PLPP1: variants seen among roughly 807,000 people sequenced by gnomAD.
PLPP1 encodes the protein phospholipid phosphatase 1.
PLPP1 carries 24 observed loss-of-function variants against 31.2 expected under a neutral mutation model. That is an observed-to-expected ratio of 0.77 (90% CI 0.56 to 1.08). The LOEUF is 1.08. Among genes scored for constraint, PLPP1 ranks in the 50% least tolerant of loss-of-function variants. PLPP1 has a pLI of 0.00. For synonymous variants in PLPP1, 146 were observed against 126.3 expected (o/e 1.16, Z -1.05); for missense variants, 319 against 342.7 (o/e 0.93, Z 0.55).
In PLPP1 at chr5:55,425,280, CTTTT is replaced by C; in HGVS notation, c.777_780del (p.Lys260ArgfsTer79). 2 of 1,611,478 alleles carry C rather than the reference CTTTT, an allele frequency of 1.2e-6. No individual in the cohort carries two copies. The highest frequency in any genetic ancestry group is 8.5e-7 in the Non-Finnish European group (1 of 1,177,900). On this transcript the variant is annotated frameshift_variant, in exon 6 of 6. Transcript: ENST00000307259. LOFTEE classifies it high-confidence loss of function. ...TGCAGAGTTGTATGAGAGTCCTCCT[CTTTT>C]CTTTCTTTAAAAGAAGTTCTTTCTT... is the stretch of plus-strand genomic sequence containing the variant.
intron 1 of PLPP1, among the ~76,000 whole-genome samples, chr5:55,487,195 T>C (rs1257517415): frequency 1.3e-5 from 2 of 152,150 alleles, no homozygotes; most frequent in Non-Finnish European, 2.9e-5. Context: ...TTTTTAAATT[T>C]AGACAAAGTA....
chr5:55,481,994 ATATTTT>A (rs922134986), intron 1 of PLPP1, among the ~76,000 whole-genome samples: 43 of 148,604 alleles, frequency 2.9e-4, no homozygotes, highest in African/African-American at 9.0e-4. Flanking sequence ...ATACATATAT[ATATTTT>A]TATTTTTATT....
intron 1 of PLPP1, among the ~76,000 whole-genome samples, chr5:55,512,560 GAAAGAAAGAAAGA>G (rs1561253265): frequency 1.3e-4 from 18 of 139,818 alleles, no homozygotes; most frequent in African/African-American, 3.5e-4. Flanking sequence ...AAGAAAGAAA[GAAAGAAAGAAAGA>G]AAGGTAACAT....
intron 1 of PLPP1, among the ~76,000 whole-genome samples, chr5:55,509,756 T>C (rs1753364766): frequency 6.6e-6 from 1 of 152,222 alleles, no homozygotes; most frequent in South Asian, 2.1e-4. Flanking sequence ...AAAAACAAGT[T>C]AACCTATTTA....
At chr5:55,464,843 T>A in intron 3 of PLPP1, among the ~76,000 whole-genome samples, 1 of 152,144 alleles carries the variant, frequency 6.6e-6, no homozygotes, top group Non-Finnish European at 1.5e-5. Context: ...AGGGACAAGC[T>A]TTTCAAATAT....
intron 1 of PLPP1, among the ~76,000 whole-genome samples, chr5:55,527,787 T>C (rs1366211875): frequency 6.6e-6 from 1 of 152,188 alleles, no homozygotes; most frequent in East Asian, 1.9e-4. Flanking sequence ...CCCAGAAAGA[T>C]GTGTAACTAT....
At chr5:55,456,102 C>T (rs1751999834) in intron 3 of PLPP1, among the ~76,000 whole-genome samples, 1 of 152,010 alleles carries the variant, frequency 6.6e-6, no homozygotes, top group African/African-American at 2.4e-5. Flanking sequence ...AAGTATATAG[C>T]CCCTTTTAAT....
At chr5:55,487,359 T>C (rs1431064930) in intron 1 of PLPP1, among the ~76,000 whole-genome samples, 4 of 148,596 alleles carry the variant, frequency 2.7e-5, no homozygotes, top group African/African-American at 7.4e-5. Flanking sequence ...AGGGAGAAGG[T>C]AGAACTACAC....
At chr5:55,460,780 A>G (rs1331127558) in intron 3 of PLPP1, among the ~76,000 whole-genome samples, 2 of 152,200 alleles carry the variant, frequency 1.3e-5, no homozygotes, top group East Asian at 3.8e-4. Flanking sequence ...CAGGAGTTCA[A>G]GGCTACCATA....
At chr5:55,434,215 T>C (rs1751440004) in intron 4 of PLPP1, among the ~76,000 whole-genome samples, 1 of 151,274 alleles carries the variant, frequency 6.6e-6, no homozygotes, top group Non-Finnish European at 1.5e-5. Flanking sequence ...TAGGGATCTA[T>C]TTAACCAAGG....
intron 1 of PLPP1, among the ~76,000 whole-genome samples, chr5:55,508,045 A>T (rs193271698): frequency 6.6e-4 from 100 of 152,108 alleles, no homozygotes; most frequent in African/African-American, 2.3e-3. Flanking sequence ...TTTATTAGAG[A>T]CAGGGTTTCA....
At chr5:55,523,439 A>G (rs1023735709) in intron 1 of PLPP1, among the ~76,000 whole-genome samples, 7 of 152,066 alleles carry the variant, frequency 4.6e-5, no homozygotes, top group Non-Finnish European at 1.0e-4. Flanking sequence ...ATAATCCTCA[A>G]AAATGCACTT....
chr5:55,524,277 C>CA (rs1333655883), intron 1 of PLPP1, among the ~76,000 whole-genome samples: 5 of 151,992 alleles, frequency 3.3e-5, no homozygotes, highest in African/African-American at 1.2e-4. Context: ...AAAAAAATTG[C>CA]AAAAAAATCT....
intron 1 of PLPP1, among the ~76,000 whole-genome samples, chr5:55,493,210 G>C (rs190841905): frequency 5.9e-5 from 9 of 151,906 alleles, no homozygotes; most frequent in Non-Finnish European, 1.0e-4. Flanking sequence ...AGCTACTCAG[G>C]AGGGTGAGGC....
intron 4 of PLPP1, among the ~76,000 whole-genome samples, chr5:55,428,836 C>A (rs1043902482): frequency 2.0e-5 from 3 of 152,184 alleles, no homozygotes; most frequent in Admixed American, 6.5e-5. Context: ...GTAAGGCATT[C>A]AGTTAGTTAC....
intron 3 of PLPP1, among the ~76,000 whole-genome samples, chr5:55,455,157 A>C (rs544134673): frequency 1.3e-5 from 2 of 152,342 alleles, no homozygotes; most frequent in South Asian, 2.1e-4. Flanking sequence ...ATACAGCCAG[A>C]GATCAGTTAC....
chr5:55,500,184 A>T (rs1753107612), intron 1 of PLPP1, among the ~76,000 whole-genome samples: 1 of 148,828 alleles, frequency 6.7e-6, no homozygotes, highest in South Asian at 2.1e-4. Flanking sequence ...GGTTCACACC[A>T]TTCTCCTACC....
At chr5:55,441,929 AT>A (rs770170704) in intron 3 of PLPP1, 21 bp from the exon 4 acceptor site, 90 of 1,607,422 alleles carry the variant, frequency 5.6e-5, no homozygotes, top group Non-Finnish European at 7.4e-5. Context: ...AAGAAGACAA[AT>A]GTTACTTTTC....
chr5:55,443,704 A>G (rs1355856352), intron 3 of PLPP1, among the ~76,000 whole-genome samples: 2 of 152,224 alleles, frequency 1.3e-5, no homozygotes, highest in Non-Finnish European at 2.9e-5. Flanking sequence ...GAATGATTTC[A>G]TTTGTTGGTT....
Sources: gnomAD v4.1 joint callset for allele counts (sites outside exome capture counted in the v4.1 genomes callset) on GRCh38, gnomAD v4.1.1 for gene constraint, MANE v1.5 for transcripts, NCBI Gene and HGNC (gene_info 2026-07-23, HGNC 2026-07-21) for gene names.